The following PTCSC3 variants were observed in gnomAD, a reference collection of about 807,000 sequenced individuals.
The protein encoded by PTCSC3 is papillary thyroid carcinoma susceptibility candidate 3.
In PTCSC3 at chr14:36,145,119, C is replaced by G. The variant is rs2139091714; in HGVS notation, n.322+8685G>C. ...TCATCAAGGATATTGGTCTAAAATT[C>G]TCTTTTTTTGTTGTGTCTCTGCCTG... On this transcript the variant is annotated intron_variant and non_coding_transcript_variant, in intron 3 of 3. Coordinates refer to ENST00000556013, the Ensembl canonical transcript of PTCSC3. 1.5e-5 allele frequency among the ~76,000 whole-genome samples: 2 copies of G among 134,534 alleles called. 1 individual carries two copies. The highest frequency in any genetic ancestry group is 5.7e-5 in the African/African-American group (2 of 35,064). The allele number at this position is 134,534 out of a possible 152,430, so 88.3% of individuals were successfully genotyped here.
At chr14:36,164,822 AATG>A (rs1050550744) in intron 1 of PTCSC3, among the ~76,000 whole-genome samples, 4 of 152,204 alleles carry the variant, frequency 2.6e-5, no homozygotes. Context: ...ATTAACAGAA[AATG>A]ATATCTTTAT....
At chr14:36,159,016 T>C (rs1188194475) in intron 2 of PTCSC3, among the ~76,000 whole-genome samples, 1 of 151,940 alleles carries the variant, frequency 6.6e-6, no homozygotes, top group Non-Finnish European at 1.5e-5. Context: ...ATCCATTTCT[T>C]CTAGATTTTC....
intron 2 of PTCSC3, among the ~76,000 whole-genome samples, chr14:36,162,275 A>AAAC (rs1555331788): frequency 2.0e-5 from 3 of 150,838 alleles, no homozygotes; most frequent in African/African-American, 7.4e-5. Context: ...AAAAAAAAAA[A>AAAC]AAAAAAAAAA....
Position 36,145,407 on chromosome 14 carries a change from G to T in PTCSC3, n.322+8397C>A, listed in dbSNP as rs552444725. Among the ~76,000 whole-genome samples, 241 of 150,726 alleles carry T rather than the reference G, an allele frequency of 1.6e-3. 2 individuals are homozygous for T. Among genetic ancestry groups the T allele is most frequent in the African/African-American group, 5.7e-3 (236 of 41,150 alleles). On this transcript the variant is annotated intron_variant and non_coding_transcript_variant, in intron 3 of 3. Transcript: ENST00000556013. The stretch of plus-strand genomic sequence containing the variant: ...GTCTTGGGAGAGTGTATGTGTTGAG[G>T]AATTTATCCATTTCTTCTAGATTTT...
At chr14:36,159,500 A>G (rs1488692916) in intron 2 of PTCSC3, among the ~76,000 whole-genome samples, 1 of 152,110 alleles carries the variant, frequency 6.6e-6, no homozygotes, top group Non-Finnish European at 1.5e-5. Flanking sequence ...TAATTTCATT[A>G]TTTACCCAGT....
chr14:36,154,254 C>T (rs534159852), intron 2 of PTCSC3, among the ~76,000 whole-genome samples: 3 of 152,164 alleles, frequency 2.0e-5, no homozygotes, highest in African/African-American at 7.2e-5. Flanking sequence ...GGTGAGTGAT[C>T]TGGGTGGTAG....
At chr14:36,138,004 T>G (rs978791779) in intron 3 of PTCSC3, among the ~76,000 whole-genome samples, 4 of 152,102 alleles carry the variant, frequency 2.6e-5, no homozygotes, top group Non-Finnish European at 5.9e-5. Flanking sequence ...GAGAAGAGGC[T>G]TAAGTGTGAA....
intron 1 of PTCSC3, among the ~76,000 whole-genome samples, chr14:36,174,827 C>T (rs1222013906): frequency 6.6e-6 from 1 of 152,152 alleles, no homozygotes; most frequent in East Asian, 1.9e-4. Flanking sequence ...AATATGTGCA[C>T]TTTGTGGTGT....
intron 3 of PTCSC3, among the ~76,000 whole-genome samples, chr14:36,141,192 C>A (rs1471464365): frequency 6.6e-6 from 1 of 151,996 alleles, no homozygotes; most frequent in East Asian, 1.9e-4. Context: ...TGTTTTTATT[C>A]TTTGATATTG....
intron 3 of PTCSC3, among the ~76,000 whole-genome samples, chr14:36,142,161 T>G (rs980313796): frequency 2.0e-5 from 3 of 152,204 alleles, no homozygotes; most frequent in Admixed American, 6.5e-5. Context: ...TGGAAGTTTT[T>G]GGTAGATATT....
intron 3 of PTCSC3, among the ~76,000 whole-genome samples, chr14:36,148,639 TGGTA>T (rs1398143120): frequency 6.6e-6 from 1 of 152,248 alleles, no homozygotes; most frequent in Non-Finnish European, 1.5e-5. Context: ...TTGCTCACGC[TGGTA>T]GCTGTAGACC....
intron 3 of PTCSC3, among the ~76,000 whole-genome samples, chr14:36,151,219 T>C (rs937965198): frequency 6.6e-6 from 1 of 152,188 alleles, no homozygotes; most frequent in African/African-American, 2.4e-5. Flanking sequence ...TTCTCTTGCT[T>C]GCATGGTTTC....
chr14:36,136,546 G>A (rs1566500534), intron 3 of PTCSC3, among the ~76,000 whole-genome samples: 1 of 152,130 alleles, frequency 6.6e-6, no homozygotes, highest in Non-Finnish European at 1.5e-5. Flanking sequence ...TCAGGGTTCA[G>A]GTGGGGATGG....
intron 3 of PTCSC3, among the ~76,000 whole-genome samples, chr14:36,139,757 A>C (rs911331834): frequency 1.3e-5 from 2 of 152,138 alleles, no homozygotes; most frequent in Non-Finnish European, 2.9e-5. Flanking sequence ...TCCCTTCCCC[A>C]CAGTTTCCCC....
chr14:36,139,555 C>T (rs906921605), intron 3 of PTCSC3, among the ~76,000 whole-genome samples: 5 of 152,064 alleles, frequency 3.3e-5, no homozygotes, highest in Non-Finnish European at 2.9e-5. Flanking sequence ...CTCCATTATT[C>T]GCTACCCCCC....
chr14:36,139,045 CG>C (rs928190783), intron 3 of PTCSC3, among the ~76,000 whole-genome samples: 2 of 147,096 alleles, frequency 1.4e-5, no homozygotes, highest in Non-Finnish European at 3.0e-5. Context: ...ACCCAGGAGG[CG>C]GAGCTTGCAC....
chr14:36,147,137 T>A (rs1026819321), intron 3 of PTCSC3, among the ~76,000 whole-genome samples: 1 of 152,180 alleles, frequency 6.6e-6, no homozygotes, highest in Non-Finnish European at 1.5e-5. Context: ...GACAATTATG[T>A]GTCTTGGAGT....
intron 3 of PTCSC3, among the ~76,000 whole-genome samples, chr14:36,142,728 A>G (rs940505114): frequency 6.6e-6 from 1 of 151,360 alleles, no homozygotes. Flanking sequence ...ACATATGTAT[A>G]CATGTGCCAT....
At chr14:36,136,526 G>A (rs753278786) in intron 3 of PTCSC3, among the ~76,000 whole-genome samples, 2 of 152,152 alleles carry the variant, frequency 1.3e-5, no homozygotes, top group East Asian at 3.9e-4. Context: ...AAGAGAGAGG[G>A]TAGCCAGTTT....
Sources: gnomAD v4.1 joint callset for allele counts (sites outside exome capture counted in the v4.1 genomes callset) on GRCh38, gnomAD v4.1.1 for gene constraint, MANE v1.5 for transcripts, NCBI Gene and HGNC (gene_info 2026-07-23, HGNC 2026-07-21) for gene names.